Variants in UGT3A1 observed in about 807,000 individuals in gnomAD.
The protein encoded by UGT3A1 is UDP-glycosyltransferase 3A1.
UGT3A1 carries 40 observed loss-of-function variants against 37.6 expected under a neutral mutation model. The observed-to-expected ratio is 1.06, with a 90% CI of 0.83 to 1.38. The LOEUF is 1.38. UGT3A1 is among the 40% of genes most tolerant of loss of function. The pLI is 0.00. For synonymous variants in UGT3A1, 256 were observed against 232.3 expected (o/e 1.10, Z -0.93); for missense variants, 642 against 634.2 (o/e 1.01, Z -0.13).
intron 6 of UGT3A1, chr5:35,955,133 A>C (rs1196067925): frequency 5.9e-6 from 1 of 170,082 alleles, no homozygotes; most frequent in African/African-American, 2.4e-5. Context: ...GGAAGGAAAT[A>C]GTATATTATG....
chr5:35,968,264 G>T, intron 2 of UGT3A1, 131 bp from the exon 3 acceptor site: 1 of 613,568 alleles, frequency 1.6e-6, no homozygotes. Flanking sequence ...ATGTTGATTT[G>T]GTTTTGTTTT....
chr5:35,976,706 C>T (rs1580944277), intron 2 of UGT3A1, among the ~76,000 whole-genome samples: 2 of 151,980 alleles, frequency 1.3e-5, no homozygotes, highest in Admixed American at 1.3e-4. Context: ...ATTGGTGGTG[C>T]ACATCTGTAG....
intron 2 of UGT3A1, among the ~76,000 whole-genome samples, chr5:35,971,852 C>T (rs1461744134): frequency 1.3e-5 from 2 of 152,168 alleles, no homozygotes; most frequent in African/African-American, 4.8e-5. Context: ...CTCCCTTCTA[C>T]CAACCACCCC....
At chr5:35,975,606 C>T (rs1232234208) in intron 2 of UGT3A1, among the ~76,000 whole-genome samples, 5 of 152,098 alleles carry the variant, frequency 3.3e-5, no homozygotes, top group East Asian at 1.9e-4. Context: ...TGGAATTTGT[C>T]GTCTTACCAT....
At chr5:35,978,836 T>G (rs546944635) in intron 2 of UGT3A1, among the ~76,000 whole-genome samples, 1 of 152,312 alleles carries the variant, frequency 6.6e-6, no homozygotes, top group African/African-American at 2.4e-5. Context: ...CTTCTGCCTA[T>G]GAGCCTGTAA....
Position 35,968,118 on chromosome 5 carries a change from TC to T in UGT3A1, c.211del (p.Glu71LysfsTer27), listed in dbSNP as rs1739889531. On this transcript the variant is annotated frameshift_variant, in exon 3 of 7. Coordinates refer to ENST00000274278, the MANE Select transcript of UGT3A1 (RefSeq NM_152404.4). LOFTEE classifies it high-confidence loss of function. ...CCACCTGATAACTTGGTATGATTTT[TC>T]CTCCTCTTTAATATCTAAGAAAACA... ...KFLIPDIKEEEKSYQVIRWFS... is the reference protein window; with the variant it reads ...KFLIPDIKEEXKSYQVIRWFS... 6.2e-7 allele frequency: 1 copy of T among 1,611,528 alleles called. No homozygotes were observed. Among genetic ancestry groups the T allele is most frequent in the Middle Eastern group, 1.7e-4 (1 of 6,036 alleles).
chr5:35,976,247 T>C (rs1442711000), intron 2 of UGT3A1, among the ~76,000 whole-genome samples: 2 of 152,196 alleles, frequency 1.3e-5, no homozygotes, highest in South Asian at 2.1e-4. Context: ...CTGATTGAAA[T>C]TGGTGATCCT....
At chr5:35,988,355 T>C (rs937428879) in intron 2 of UGT3A1, 95 bp downstream of exon 2, 110 of 829,930 alleles carry the variant, frequency 1.3e-4, no homozygotes, top group Non-Finnish European at 1.9e-4. Context: ...AAGACTAGAT[T>C]CAAAGAAGTT....
At chr5:35,955,478 C>T in intron 6 of UGT3A1, 167 bp downstream of exon 6, 1 of 769,550 alleles carries the variant, frequency 1.3e-6, no homozygotes, top group Non-Finnish European at 2.1e-6. Flanking sequence ...CTAAATTAGT[C>T]TTCCTAGAGA....
chr5:35,976,020 C>T (rs1389405419), intron 2 of UGT3A1, among the ~76,000 whole-genome samples: 1 of 152,106 alleles, frequency 6.6e-6, no homozygotes, highest in African/African-American at 2.4e-5. Context: ...GCAGCATCAC[C>T]ACTCACTATT....
At chr5:35,996,542 G>T (rs138313111) in intron 2 of UGT3A1, among the ~76,000 whole-genome samples, 1 of 152,142 alleles carries the variant, frequency 6.6e-6, no homozygotes. Flanking sequence ...AGTGTGACAC[G>T]TTAAGTAGGT....
At chr5:35,963,929 C>T (rs1008628862) in intron 4 of UGT3A1, among the ~76,000 whole-genome samples, 1 of 152,142 alleles carries the variant, frequency 6.6e-6, no homozygotes, top group African/African-American at 2.4e-5. Context: ...CTGAATCGCA[C>T]CTTTAGTGGC....
chr5:35,988,024 C>T (rs1034200518), intron 2 of UGT3A1, among the ~76,000 whole-genome samples: 5 of 152,060 alleles, frequency 3.3e-5, no homozygotes, highest in African/African-American at 1.2e-4. Flanking sequence ...AAGAGGCTCC[C>T]TGGGAAATCT....
intron 4 of UGT3A1, among the ~76,000 whole-genome samples, chr5:35,958,793 C>A (rs1739459016): frequency 6.6e-6 from 1 of 152,220 alleles, no homozygotes; most frequent in Non-Finnish European, 1.5e-5. Context: ...TTCTTTCCCT[C>A]AGCCAGAAGG....
chr5:35,992,104 T>G (rs1740969211), upstream of UGT3A1, among the ~76,000 whole-genome samples: 1 of 152,216 alleles, frequency 6.6e-6, no homozygotes, highest in Non-Finnish European at 1.5e-5. Flanking sequence ...GGAAAGGCTT[T>G]CAGTGCAATT....
chr5:35,961,316 C>T (rs1005002346), intron 4 of UGT3A1: 4 of 152,298 alleles, frequency 2.6e-5, no homozygotes, highest in African/African-American at 7.2e-5. Context: ...TCTAAGGGTC[C>T]TTGCAAAAGG....
intron 2 of UGT3A1, among the ~76,000 whole-genome samples, chr5:35,971,639 T>A (rs1389516480): frequency 3.9e-5 from 6 of 152,156 alleles, no homozygotes; most frequent in Non-Finnish European, 7.3e-5. Flanking sequence ...CAACCAACCC[T>A]GAGAGGCCAA....
At chr5:35,990,471 G>A (rs1045907353) in intron 1 of UGT3A1, among the ~76,000 whole-genome samples, 8 of 152,054 alleles carry the variant, frequency 5.3e-5, no homozygotes, top group African/African-American at 1.9e-4. Context: ...ATAAAACTGA[G>A]GCCCAAAATG....
chr5:35,962,885 T>C, intron 4 of UGT3A1: 1 of 702,872 alleles, frequency 1.4e-6, no homozygotes, highest in Non-Finnish European at 2.6e-6. Context: ...CAAAGCCATC[T>C]CAGTGGTTCA....
Sources: gnomAD v4.1 joint callset for allele counts (sites outside exome capture counted in the v4.1 genomes callset) on GRCh38, gnomAD v4.1.1 for gene constraint, MANE v1.5 for transcripts, NCBI Gene and HGNC (gene_info 2026-07-23, HGNC 2026-07-21) for gene names.